The following FGGY variants were observed in gnomAD, a reference collection of about 807,000 sequenced individuals.
FGGY encodes the protein FGGY carbohydrate kinase domain-containing protein.
FGGY carries 72 observed loss-of-function variants against 71.3 expected under a neutral mutation model. The ratio of observed to expected loss-of-function variants is 1.01; its 90% confidence interval spans 0.84 to 1.23. The LOEUF is 1.23. Ranked by LOEUF, FGGY falls within the 50% of genes most tolerant of loss-of-function variation. The pLI is 0.00. For missense variants in FGGY, 668 were observed against 682.3 expected, an observed-to-expected ratio of 0.98 and a Z score of 0.23; for synonymous variants, 251 against 250.3, an observed-to-expected ratio of 1.00 and a Z score of -0.02.
In FGGY at chr1:59,504,214, C is replaced by G. The variant is rs181753334; in HGVS notation, c.671-8097C>G. 3.7e-3 allele frequency among the ~76,000 whole-genome samples: 555 copies of G among 150,994 alleles called. 2 individuals carry two copies. Among genetic ancestry groups the G allele is most frequent in the African/African-American group, 0.012 (492 of 41,206 alleles). On this transcript the variant is annotated intron_variant, in intron 6 of 15. Transcript: ENST00000303721. ...CATGGAAGCTCTGCGCCCCTTCCCC[C>G]TTACCTTGCCATGTGCATCTGTTCA...
At chr1:59,636,475 T>C (rs775509945) in intron 10 of FGGY, among the ~76,000 whole-genome samples, 10 of 151,934 alleles carry the variant, frequency 6.6e-5, no homozygotes, top group Admixed American at 2.6e-4. Context: ...CAAAAAAAAT[T>C]AGCCAGGCGT....
chr1:59,499,656 G>A lies in FGGY; in HGVS notation c.671-12655G>A, dbSNP rs184274403. ...GGAAAAAAAGTTTAAGAACATAGTC[G>A]TATTCCATTTCTTCATATGTTTGAG... On this transcript the variant is annotated intron_variant, in intron 6 of 15. Coordinates refer to ENST00000303721, the MANE Select transcript of FGGY (RefSeq NM_018291.5). Among the ~76,000 whole-genome samples the A allele has an allele frequency of 9.7e-4, 147 of 152,222 alleles. 1 individual carries two copies. The highest frequency in any genetic ancestry group is 8.3e-3 in the Admixed American group (127 of 15,284).
chr1:59,419,438 C>T (rs1188163577), intron 5 of FGGY, among the ~76,000 whole-genome samples: 2 of 152,050 alleles, frequency 1.3e-5, no homozygotes, highest in African/African-American at 2.4e-5. Flanking sequence ...GAGTAAAAAG[C>T]AGTATTGATT....
chr1:59,335,868 T>C (rs2049387206), intron 2 of FGGY, among the ~76,000 whole-genome samples: 1 of 152,196 alleles, frequency 6.6e-6, no homozygotes, highest in Non-Finnish European at 1.5e-5. Context: ...TTTCCTCTTA[T>C]TATTTGAGTT....
At chr1:59,513,684 T>C (rs1310677679) in intron 7 of FGGY, among the ~76,000 whole-genome samples, 1 of 152,230 alleles carries the variant, frequency 6.6e-6, no homozygotes, top group African/African-American at 2.4e-5. Flanking sequence ...CATTATGTTA[T>C]CTGTCCTGTA....
chr1:59,427,797 A>C (rs2153455032), intron 5 of FGGY, among the ~76,000 whole-genome samples: 1 of 152,244 alleles, frequency 6.6e-6, no homozygotes, highest in South Asian at 2.1e-4. Context: ...TGGGAGATGG[A>C]AGTAACACTG....
chr1:59,477,181 C>T (rs954743129), intron 6 of FGGY, among the ~76,000 whole-genome samples: 2 of 152,114 alleles, frequency 1.3e-5, no homozygotes, highest in Admixed American at 6.6e-5. Context: ...TGTGACACAT[C>T]GCAGCTCTTC....
At chr1:59,746,730 C>G (rs1201042287) in intron 14 of FGGY, among the ~76,000 whole-genome samples, 1 of 152,100 alleles carries the variant, frequency 6.6e-6, no homozygotes, top group Non-Finnish European at 1.5e-5. Context: ...TCGTTTCAAG[C>G]GATCCTCCCA....
chr1:59,474,034 T>C (rs2093134980), intron 6 of FGGY: 1 of 152,214 alleles, frequency 6.6e-6, no homozygotes. Flanking sequence ...TAAGTACACC[T>C]TGGCACCTGG....
At chr1:59,443,177 G>A (rs1042917545) in intron 5 of FGGY, among the ~76,000 whole-genome samples, 3 of 152,078 alleles carry the variant, frequency 2.0e-5, no homozygotes, top group Admixed American at 6.6e-5. Context: ...AGCTTATCAA[G>A]GAAATATTTG....
At chr1:59,607,759 C>A (rs2096636931) in intron 8 of FGGY, 44 bp from the exon 9 acceptor site, 14 of 1,490,870 alleles carry the variant, frequency 9.4e-6, no homozygotes, top group Non-Finnish European at 1.3e-5. Flanking sequence ...TTCCCCTACC[C>A]CTGAGAGTCA....
intron 1 of FGGY, among the ~76,000 whole-genome samples, chr1:59,316,578 A>G (rs2045496150): frequency 6.6e-6 from 1 of 152,168 alleles, no homozygotes; most frequent in African/African-American, 2.4e-5. Context: ...CATTTGTTGA[A>G]GAATCAGCCA....
chr1:59,697,703 G>T (rs1056843643), intron 14 of FGGY: 6 of 1,303,250 alleles, frequency 4.6e-6, no homozygotes, highest in Non-Finnish European at 6.1e-6. Flanking sequence ...AGCAGTATTT[G>T]AGAAGAAATC....
intron 1 of FGGY, among the ~76,000 whole-genome samples, chr1:59,312,407 A>G (rs1482210137): frequency 1.3e-5 from 2 of 152,214 alleles, no homozygotes; most frequent in Non-Finnish European, 2.9e-5. Context: ...GATGGGAGAA[A>G]CAACATATAC....
At chr1:59,331,460 C>T (rs2048461381) in intron 2 of FGGY, among the ~76,000 whole-genome samples, 1 of 152,110 alleles carries the variant, frequency 6.6e-6, no homozygotes, top group African/African-American at 2.4e-5. Context: ...CCCAGGACCT[C>T]TGCGCTCGCT....
At chr1:59,317,475 A>G (rs2045654609) in intron 1 of FGGY, among the ~76,000 whole-genome samples, 1 of 152,264 alleles carries the variant, frequency 6.6e-6, no homozygotes, top group Non-Finnish European at 1.5e-5. Flanking sequence ...TTTACAAACT[A>G]GAAAAAGGAA....
At chr1:59,616,296 TATGCAGCCATAAAA>T (rs1343042472) in intron 9 of FGGY, among the ~76,000 whole-genome samples, 1 of 152,214 alleles carries the variant, frequency 6.6e-6, no homozygotes, top group Non-Finnish European at 1.5e-5. Flanking sequence ...CATGGAATAC[TATGCAGCCATAAAA>T]ATGAGTTCAT....
At chr1:59,300,109 A>G (rs1257447739) in intron 1 of FGGY, among the ~76,000 whole-genome samples, 1 of 152,224 alleles carries the variant, frequency 6.6e-6, no homozygotes, top group East Asian at 1.9e-4. Context: ...TGAGTGGGCT[A>G]TTTTGTAGCA....
intron 9 of FGGY, among the ~76,000 whole-genome samples, chr1:59,608,478 C>A (rs377671555): frequency 5.3e-5 from 8 of 152,136 alleles, no homozygotes; most frequent in African/African-American, 1.9e-4. Context: ...CAGCTCTTAG[C>A]ACACTCTGTT....
Sources: allele counts gnomAD v4.1 joint callset (sites outside exome capture counted in the v4.1 genomes callset), GRCh38; gene constraint gnomAD v4.1.1; transcripts MANE v1.5; gene names NCBI Gene and HGNC (gene_info 2026-07-23, HGNC 2026-07-21).